The following OGT variants were observed in gnomAD, a reference collection of about 807,000 sequenced individuals.
OGT encodes the protein UDP-N-acetylglucosamine--peptide N-acetylglucosaminyltransferase 110 kDa subunit.
Under a neutral mutation model 75.8 loss-of-function variants are expected in OGT, and 3 were observed. The ratio of observed to expected loss-of-function variants is 0.04; its 90% CI spans 0.02 to 0.10. OGT has a LOEUF of 0.10. OGT is among the 10% of genes least tolerant of loss of function. The pLI is 1.00. For missense variants in OGT, 260 were observed against 824.4 expected, an observed-to-expected ratio of 0.32 and a Z score of 8.38; for synonymous variants, 257 against 289.7, an observed-to-expected ratio of 0.89 and a Z score of 1.15.
intron 1 of OGT, among the ~76,000 whole-genome samples, 181 bp from the exon 2 acceptor site, chrX:71,535,997 A>G (rs947873934): frequency 1.8e-5 from 2 of 112,479 alleles, no homozygotes; most frequent in Non-Finnish European, 1.9e-5. Flanking sequence ...AAAAATGCCA[A>G]TTCTGCACTT....
intron 4 of OGT, chrX:71,547,036 C>T (rs1461961862): frequency 2.0e-5 from 15 of 753,326 alleles, no homozygotes; most frequent in South Asian, 6.8e-5. Flanking sequence ...TTCTATGTAG[C>T]GCAGCAGTTC....
intron 13 of OGT, 68 bp downstream of exon 13, chrX:71,559,493 C>T: frequency 8.8e-7 from 1 of 1,136,970 alleles, no homozygotes; most frequent in East Asian, 3.0e-5. Context: ...GTTGGCTTGT[C>T]ACCATGAGGC....
intron 4 of OGT, 93 bp from the exon 5 acceptor site, chrX:71,547,814 C>A (rs759669893): frequency 2.3e-5 from 25 of 1,095,123 alleles, no homozygotes; most frequent in East Asian, 3.7e-5. Context: ...TTCTTCCCCC[C>A]CTCCCCCCAA....
intron 5 of OGT, among the ~76,000 whole-genome samples, chrX:71,550,093 T>C (rs1029950389): frequency 8.9e-6 from 1 of 112,171 alleles, no homozygotes; most frequent in Non-Finnish European, 1.9e-5. Context: ...TTGGAAGACT[T>C]ACAAGGAACA....
At chrX:71,567,439 G>T in intron 19 of OGT, 61 bp from the exon 20 acceptor site, 1 of 982,905 alleles carries the variant, frequency 1.0e-6, no homozygotes, top group Non-Finnish European at 1.4e-6. Flanking sequence ...AGACCTCTGG[G>T]AGTCTTTGTT....
At chrX:71,556,882 A>G in intron 9 of OGT, 70 bp from the exon 10 acceptor site, 1 of 1,116,143 alleles carries the variant, frequency 9.0e-7, no homozygotes. Context: ...ATAACAACGG[A>G]ATAAGTTAGC....
At chrX:71,542,342 C>T (rs961937106) in intron 3 of OGT, among the ~76,000 whole-genome samples, 1 of 111,899 alleles carries the variant, frequency 8.9e-6, no homozygotes, top group Non-Finnish European at 1.9e-5. Context: ...TTTGGATCCC[C>T]AAACAGGAGA....
chrX:71,546,788 C>T, intron 4 of OGT: 4 of 754,728 alleles, frequency 5.3e-6, no homozygotes, highest in Non-Finnish European at 6.3e-6. Flanking sequence ...TGTGACCCTG[C>T]AGTAGCGCAA....
At chrX:71,546,275 CT>C in intron 4 of OGT, 1 of 754,020 alleles carries the variant, frequency 1.3e-6, no homozygotes, top group Non-Finnish European at 1.6e-6. Flanking sequence ...CTTTGTTGAA[CT>C]TTTACTAATG....
chrX:71,573,550 G>C, intron 21 of OGT, 70 bp from the exon 22 acceptor site: 1 of 963,350 alleles, frequency 1.0e-6, no homozygotes, highest in Non-Finnish European at 1.4e-6. Context: ...ATGCGACTAG[G>C]TATTTATAGG....
rs1421714827 is a variant in OGT at position 71,533,268 on chromosome X, C to T, written c.-32C>T. Reference sequence around the variant, plus strand: ...GTAGTGGCGGCAGCAGGACCAATTACCTCTTTTTTGCTCTCCCTCGAGAAG... The same window carrying T: ...GTAGTGGCGGCAGCAGGACCAATTATCTCTTTTTTGCTCTCCCTCGAGAAG... On this transcript the variant is annotated 5_prime_UTR_variant, in exon 1 of 22. Transcript: ENST00000373719. The T allele has an allele frequency of 8.4e-7, 1 of 1,187,822 alleles. No homozygotes were observed. Among genetic ancestry groups the T allele is most frequent in the South Asian group, 1.8e-5 (1 of 54,075 alleles).
intron 4 of OGT, chrX:71,547,221 G>A: frequency 2.7e-6 from 2 of 753,936 alleles, no homozygotes; most frequent in Non-Finnish European, 3.1e-6. Flanking sequence ...TATCCTACTT[G>A]GCAGAAAGAC....
At position 71,555,364 on chromosome X, in the gene OGT, T is replaced by C. The variant is rs919145144; in HGVS notation, c.903T>C (p.Asn301=). The change falls in exon 7 of 22, where the codon AAT becomes AAC. Residue 301 remains asparagine (N), a synonymous_variant. Coordinates refer to ENST00000373719, the MANE Select transcript of OGT (RefSeq NM_181672.3). ...CTGATGCTTACTGCAACCTAGCCAA[T>C]GCTCTCAAAGAGAAGGGCAGTGTAA... The part of the protein sequence containing the change: ...HFPDAYCNLA[N]ALKEKGSVAE... The C allele has an allele frequency of 8.3e-7, 1 of 1,210,750 alleles. No individual in the cohort carries two copies.
chrX:71,549,835 G>A (rs2040289716), intron 5 of OGT, among the ~76,000 whole-genome samples: 1 of 111,444 alleles, frequency 9.0e-6, no homozygotes, highest in African/African-American at 3.3e-5. Context: ...TGGTGAAAAG[G>A]CAGATTCCAG....
chrX:71,559,639 G>A lies in OGT; in HGVS notation c.1813G>A (p.Val605Met). 4 of 1,210,722 alleles carry A rather than the reference G, an allele frequency of 3.3e-6. No homozygotes were observed. The highest frequency in any genetic ancestry group is 3.4e-6 in the Non-Finnish European group (3 of 894,491). ...CGATGGCACAAACTTCCGAGTGAAG[G>A]TGATGGCAGAAGCCAATCATTTCAT... Reference protein sequence around the residue: ...PDDGTNFRVKVMAEANHFIDL... With the variant: ...PDDGTNFRVKMMAEANHFIDL... The change falls in exon 14 of 22, where the codon GTG (valine) becomes ATG (methionine). Residue 605 changes from valine (V) to methionine (M), a missense_variant. Coordinates refer to ENST00000373719, the MANE Select transcript of OGT (RefSeq NM_181672.3).
At chrX:71,572,021 G>A (rs1046185837) in intron 21 of OGT, among the ~76,000 whole-genome samples, 4 of 110,316 alleles carry the variant, frequency 3.6e-5, no homozygotes, top group East Asian at 2.8e-4. Context: ...CACCTGCCTC[G>A]GCCTCCCAAA....
At chrX:71,547,632 C>A in intron 4 of OGT, 1 of 963,501 alleles carries the variant, frequency 1.0e-6, no homozygotes, top group Non-Finnish European at 1.3e-6. Context: ...AGTTAAGTCC[C>A]AGTGTAAGGG....
chrX:71,548,194 T>C (rs980556839), intron 5 of OGT, among the ~76,000 whole-genome samples, 171 bp downstream of exon 5: 1 of 112,159 alleles, frequency 8.9e-6, no homozygotes, highest in African/African-American at 3.2e-5. Flanking sequence ...TTTTTTCAAC[T>C]TGACAATGGT....
At position 71,543,638 on chromosome X, in the gene OGT, C is replaced by T. The variant is rs774771055; in HGVS notation, c.463-929C>T. On this transcript the variant is annotated intron_variant, in intron 3 of 21. Transcript: ENST00000373719. ...AGGTTTGCTCATAGGTAGTCATTTG[C>T]TAAATATGTTTTTTTCCACTCTGGA... 1.6e-4 allele frequency among the ~76,000 whole-genome samples: 17 copies of T among 108,719 alleles called. No homozygotes were observed. The South Asian group carries it at 2.0e-3, about 13-fold the overall frequency. 94.4% of individuals were successfully genotyped at this position (108,719 alleles called of 115,157 possible).
Sources: allele counts gnomAD v4.1 joint callset (sites outside exome capture counted in the v4.1 genomes callset), GRCh38; gene constraint gnomAD v4.1.1; transcripts MANE v1.5; gene names NCBI Gene and HGNC (gene_info 2026-07-23, HGNC 2026-07-21).